KCNB2: variants seen among roughly 807,000 people sequenced by gnomAD.
KCNB2 encodes the protein delayed rectifier potassium channel protein.
A neutral mutation model predicts 61.5 loss-of-function variants in KCNB2; 15 were observed. That is an observed-to-expected ratio of 0.24 (90% CI 0.16 to 0.38). The LOEUF is 0.38. Ranked by LOEUF, KCNB2 falls within the 10% of genes least tolerant of loss-of-function variation. KCNB2 has a pLI of 1.00. For synonymous variants in KCNB2, 457 were observed against 446.0 expected, an observed-to-expected ratio of 1.02 and a Z score of -0.31; for missense variants, 828 against 1,125.2, an observed-to-expected ratio of 0.74 and a Z score of 3.78.
chr8:72,791,274 G>A lies in KCNB2; in HGVS notation c.580-144661G>A, dbSNP rs138925035. Among the ~76,000 whole-genome samples the A allele has an allele frequency of 4.3e-3, 652 of 152,276 alleles. 6 individuals carry two copies. The highest frequency in any genetic ancestry group is 0.015 in the African/African-American group (620 of 41,554). ...AGCTGTAAAGAATGCTTGGGGCTGG[G>A]TGCAGTGGCTCACACCTATAATCCC... On this transcript the variant is annotated intron_variant, in intron 2 of 2. Transcript: ENST00000523207.
At chr8:72,712,774 G>A (rs1470019050) in intron 2 of KCNB2, among the ~76,000 whole-genome samples, 3 of 152,184 alleles carry the variant, frequency 2.0e-5, no homozygotes, top group Admixed American at 2.0e-4. Context: ...TCCAACTGAG[G>A]TACTGGGTTC....
chr8:72,715,434 A>G (rs1317999184), intron 2 of KCNB2, among the ~76,000 whole-genome samples: 2 of 152,232 alleles, frequency 1.3e-5, no homozygotes, highest in East Asian at 3.8e-4. Flanking sequence ...CAGCAAATGT[A>G]AAAGAACAGA....
At chr8:72,831,891 G>T (rs1414298676) in intron 2 of KCNB2, among the ~76,000 whole-genome samples, 2 of 152,174 alleles carry the variant, frequency 1.3e-5, no homozygotes, top group Non-Finnish European at 2.9e-5. Flanking sequence ...TTAGCCAAAA[G>T]GCTAAGAAGC....
In KCNB2 at chr8:72,619,531, A is replaced by ATTT. The variant is rs374172215; in HGVS notation, c.579+51230_579+51232dup. The ATTT allele has an allele frequency of 8.5e-4, 123 of 144,338 alleles. 1 individual carries two copies. In the East Asian group the frequency reaches 1.0e-2, roughly 12 times the overall value. The allele number at this position is 144,338 out of a possible 1,614,324, so 8.9% of individuals were successfully genotyped here. ...GTATGAGGTAAATGGGATTACCTCC[A>ATTT]TTTTTTTTTTTTTTAATCACACAGC... is the stretch of plus-strand genomic sequence containing the variant. On this transcript the variant is annotated intron_variant, in intron 2 of 2. Coordinates refer to ENST00000523207, the MANE Select transcript of KCNB2 (RefSeq NM_004770.3).
Position 72,775,225 on chromosome 8 carries a change from A to G in KCNB2, c.580-160710A>G, listed in dbSNP as rs73313533. ...GAACAGACAGTGACTGAAAAACCCA[A>G]CCACCCAGGGGCTAGCCCAGCCCAC... On this transcript the variant is annotated intron_variant, in intron 2 of 2. Transcript: ENST00000523207. 8.2e-3 allele frequency among the ~76,000 whole-genome samples: 1,247 copies of G among 152,208 alleles called. 16 individuals are homozygous for G. Among genetic ancestry groups the G allele is most frequent in the African/African-American group, 0.029 (1,190 of 41,528 alleles).
At chr8:72,731,582 T>A (rs1563573737) in intron 2 of KCNB2, among the ~76,000 whole-genome samples, 2 of 152,342 alleles carry the variant, frequency 1.3e-5, no homozygotes, top group East Asian at 3.9e-4. Context: ...GGATAAATAC[T>A]GTGATGCAGT....
chr8:72,847,652 C>T (rs540711092), intron 2 of KCNB2, among the ~76,000 whole-genome samples: 1 of 152,240 alleles, frequency 6.6e-6, no homozygotes, highest in African/African-American at 2.4e-5. Flanking sequence ...TGCTACCAAC[C>T]TAGGAGGCCC....
At chr8:72,785,938 A>ACTG (rs1348078171) in intron 2 of KCNB2, among the ~76,000 whole-genome samples, 1 of 152,104 alleles carries the variant, frequency 6.6e-6, no homozygotes, top group Non-Finnish European at 1.5e-5. Context: ...TTCCATTTTT[A>ACTG]AATTCATAAC....
chr8:72,567,989 C>G lies in KCNB2; in HGVS notation c.255C>G (p.Asn85Lys). 6.2e-7 allele frequency: 1 copy of G among 1,614,042 alleles called. No individual in the cohort carries two copies. The highest frequency in any genetic ancestry group is 8.5e-7 in the Non-Finnish European group (1 of 1,179,996). Residue 85 changes from asparagine (N) to lysine (K), a missense_variant, in exon 2 of 3, where the codon AAC (asparagine) becomes AAG (lysine). Physicochemically the swap from Asn to Lys is moderately conservative, Grantham distance 94 (BLOSUM62 0). Around this residue, in one of 4 missense-constraint regions of KCNB2, gnomAD observed 163 missense variants for 314.4 expected, o/e 0.52. Transcript: ENST00000523207. ...EVCDDYNLNE[N>K]EYFFDRHPGA... is the part of the protein sequence containing the mutation. Reference sequence around the variant, plus strand: ...GCGACGACTATAATCTGAACGAGAACGAGTATTTCTTTGATCGGCATCCAG... The same window carrying G: ...GCGACGACTATAATCTGAACGAGAAGGAGTATTTCTTTGATCGGCATCCAG...
intron 2 of KCNB2, among the ~76,000 whole-genome samples, chr8:72,828,352 A>G (rs993278578): frequency 3.3e-5 from 5 of 152,208 alleles, no homozygotes; most frequent in Non-Finnish European, 4.4e-5. Context: ...GTACTTATAC[A>G]TATTTCCATT....
intron 1 of KCNB2, among the ~76,000 whole-genome samples, chr8:72,560,877 T>G (rs1806500519): frequency 6.6e-6 from 1 of 152,210 alleles, no homozygotes; most frequent in Admixed American, 6.5e-5. Flanking sequence ...GGTGTTTTAT[T>G]CTGTAATTTT....
chr8:72,936,913 TC>T lies in KCNB2; in HGVS notation c.1561del (p.His521ThrfsTer4). 1.2e-6 allele frequency: 2 copies of T among 1,613,898 alleles called. No homozygotes were observed. The highest frequency in any genetic ancestry group is 1.7e-6 in the Non-Finnish European group (2 of 1,179,984). On this transcript the variant is annotated frameshift_variant, in exon 3 of 3. Coordinates refer to ENST00000523207, the MANE Select transcript of KCNB2 (RefSeq NM_004770.3). LOFTEE classifies it high-confidence loss of function. The surrounding 1 kb of genome is among the most constrained non-coding windows in gnomAD (Gnocchi z 5.6). ...NKYQEVSQKD[S>X]HEQLNNTSSS... is the part of the protein sequence containing the mutation. Reference sequence around the variant, plus strand: ...GTACCAGGAGGTTAGCCAAAAAGACTCCCACGAGCAGCTGAACAACACGTCT... The same window carrying T: ...GTACCAGGAGGTTAGCCAAAAAGACTCCACGAGCAGCTGAACAACACGTCT...
chr8:72,636,095 G>A (rs1388108986), intron 2 of KCNB2, among the ~76,000 whole-genome samples: 1 of 152,170 alleles, frequency 6.6e-6, no homozygotes, highest in Non-Finnish European at 1.5e-5. Context: ...CGGATGCTCA[G>A]AGAACCCGAG....
chr8:72,775,720 G>A (rs1476778636), intron 2 of KCNB2, among the ~76,000 whole-genome samples: 27 of 82,314 alleles, frequency 3.3e-4, no homozygotes, highest in Non-Finnish European at 5.2e-4. Flanking sequence ...ATATGAATGA[G>A]CTTTAAAAAA....
chr8:72,728,634 G>A (rs184661504), intron 2 of KCNB2, among the ~76,000 whole-genome samples: 4 of 152,212 alleles, frequency 2.6e-5, no homozygotes, highest in African/African-American at 9.6e-5. Flanking sequence ...TATAATGGAG[G>A]TATTAATATA....
intron 2 of KCNB2, among the ~76,000 whole-genome samples, chr8:72,824,577 ACT>A (rs1809567060): frequency 1.3e-5 from 2 of 152,122 alleles, no homozygotes; most frequent in Admixed American, 1.3e-4. Flanking sequence ...CCCTAGGCAC[ACT>A]CATGTTCCTC....
At chr8:72,820,401 G>A (rs888463858) in intron 2 of KCNB2, among the ~76,000 whole-genome samples, 4 of 152,120 alleles carry the variant, frequency 2.6e-5, no homozygotes, top group Non-Finnish European at 4.4e-5. Flanking sequence ...CAATTAATTT[G>A]CACAATGAAT....
chr8:72,803,585 T>C (rs1384858349), intron 2 of KCNB2, among the ~76,000 whole-genome samples: 3 of 152,142 alleles, frequency 2.0e-5, no homozygotes, highest in Non-Finnish European at 4.4e-5. Flanking sequence ...GTAGTAAATA[T>C]CAGTTCCCTC....
At chr8:72,692,601 G>C (rs190711439) in intron 2 of KCNB2, among the ~76,000 whole-genome samples, 2 of 152,150 alleles carry the variant, frequency 1.3e-5, no homozygotes, top group Admixed American at 6.5e-5. Context: ...TTCTAGGCTT[G>C]TACCCACCAA....
Sources: allele counts gnomAD v4.1 joint callset (sites outside exome capture counted in the v4.1 genomes callset), GRCh38; gene constraint gnomAD v4.1.1; regional missense constraint gnomAD v4.1.1; non-coding constraint Gnocchi (gnomAD v3.1); transcripts MANE v1.5; gene names NCBI Gene and HGNC (gene_info 2026-07-23, HGNC 2026-07-21).